SPOCK1: variants seen among roughly 807,000 people sequenced by gnomAD.
SPOCK1 encodes SPARC (osteonectin), cwcv and kazal like domains proteoglycan 1, also known as testican-1.
In SPOCK1, 23 loss-of-function variants were observed where a neutral mutation model predicts 55.3. The ratio of observed to expected loss-of-function variants is 0.42; its 90% CI spans 0.30 to 0.59. SPOCK1 has a LOEUF of 0.59. Ranked by LOEUF, SPOCK1 falls within the 20% of genes least tolerant of loss-of-function variation. SPOCK1 has a pLI of 0.22. For missense variants in SPOCK1, 499 were observed against 552.5 expected, an observed-to-expected ratio of 0.90 and a Z score of 0.97; for synonymous variants, 226 against 221.0, an observed-to-expected ratio of 1.02 and a Z score of -0.20.
chr5:137,224,640 A>C (rs1222032735), intron 3 of SPOCK1, among the ~76,000 whole-genome samples: 1 of 152,226 alleles, frequency 6.6e-6, no homozygotes, highest in Admixed American at 6.5e-5. Flanking sequence ...TATTGAGCTT[A>C]ATAAAACAGA....
intron 2 of SPOCK1, among the ~76,000 whole-genome samples, chr5:137,448,643 T>C (rs1753181134): frequency 6.6e-6 from 1 of 152,256 alleles, no homozygotes; most frequent in Non-Finnish European, 1.5e-5. Flanking sequence ...ACAGTAAAAT[T>C]TCCTTGAACT....
chr5:137,324,525 G>A (rs1758038523), intron 2 of SPOCK1, among the ~76,000 whole-genome samples: 1 of 152,160 alleles, frequency 6.6e-6, no homozygotes, highest in Admixed American at 6.5e-5. Flanking sequence ...AGTCACAAAA[G>A]AGGAGATACT....
chr5:137,297,823 C>T (rs1485294278), intron 2 of SPOCK1, among the ~76,000 whole-genome samples: 1 of 151,992 alleles, frequency 6.6e-6, no homozygotes, highest in Non-Finnish European at 1.5e-5. Flanking sequence ...TTCTGGCACA[C>T]TTAATTTTAA....
At chr5:137,462,941 G>A (rs554925529) in intron 2 of SPOCK1, among the ~76,000 whole-genome samples, 14 of 152,238 alleles carry the variant, frequency 9.2e-5, no homozygotes, top group Non-Finnish European at 1.5e-4. Context: ...TGATAGTTTC[G>A]GTACCATTCA....
At chr5:137,447,957 A>T (rs1355489760) in intron 2 of SPOCK1, among the ~76,000 whole-genome samples, 1 of 152,208 alleles carries the variant, frequency 6.6e-6, no homozygotes, top group Non-Finnish European at 1.5e-5. Context: ...GGTATTAAAA[A>T]ATAAATACAG....
chr5:137,146,592 G>A (rs1754198756), intron 3 of SPOCK1, among the ~76,000 whole-genome samples: 1 of 152,208 alleles, frequency 6.6e-6, no homozygotes, highest in Non-Finnish European at 1.5e-5. Flanking sequence ...CAAGCTATGA[G>A]CAGGAACATT....
chr5:137,395,535 G>A (rs1218685754), intron 2 of SPOCK1, among the ~76,000 whole-genome samples: 1 of 152,140 alleles, frequency 6.6e-6, no homozygotes. Flanking sequence ...ACCAGATCTG[G>A]CACTTGATAC....
intron 6 of SPOCK1, among the ~76,000 whole-genome samples, chr5:137,019,938 ACTT>A (rs1440567275): frequency 2.0e-5 from 3 of 152,006 alleles, no homozygotes; most frequent in African/African-American, 7.2e-5. Context: ...AGTATCCTAA[ACTT>A]CTTCCTTGTA....
At chr5:137,130,841 C>A (rs1425676630) in intron 4 of SPOCK1, among the ~76,000 whole-genome samples, 1 of 152,224 alleles carries the variant, frequency 6.6e-6, no homozygotes, top group Non-Finnish European at 1.5e-5. Context: ...AATGTATGCC[C>A]ATGAAAAACC....
intron 6 of SPOCK1, among the ~76,000 whole-genome samples, chr5:136,995,453 T>TA (rs1207642965): frequency 6.6e-6 from 1 of 152,170 alleles, no homozygotes; most frequent in Middle Eastern, 3.2e-3. Context: ...CTCGGGGCCC[T>TA]AGGTTTTCAC....
At chr5:137,394,706 A>T (rs1751804226) in intron 2 of SPOCK1, among the ~76,000 whole-genome samples, 1 of 152,214 alleles carries the variant, frequency 6.6e-6, no homozygotes, top group South Asian at 2.1e-4. Flanking sequence ...CAGAGACCAC[A>T]AGAATGAGAA....
At chr5:137,362,624 G>A (rs539887399) in intron 2 of SPOCK1, among the ~76,000 whole-genome samples, 36 of 152,152 alleles carry the variant, frequency 2.4e-4, no homozygotes, top group African/African-American at 6.3e-4. Context: ...CACCGCGCCC[G>A]GCCAGCAAAC....
At chr5:136,983,745 C>G (rs1030420976) in intron 9 of SPOCK1, among the ~76,000 whole-genome samples, 1 of 151,482 alleles carries the variant, frequency 6.6e-6, no homozygotes, top group East Asian at 1.9e-4. Flanking sequence ...ACTCTGTATA[C>G]CCCTGACTAC....
chr5:137,468,208 T>C (rs567794009), intron 2 of SPOCK1, among the ~76,000 whole-genome samples: 1 of 152,352 alleles, frequency 6.6e-6, no homozygotes, highest in South Asian at 2.1e-4. Context: ...TGAGTAATGC[T>C]ACTTAGTGAC....
intron 2 of SPOCK1, among the ~76,000 whole-genome samples, chr5:137,268,283 G>T (rs908055595): frequency 3.3e-5 from 5 of 152,102 alleles, no homozygotes; most frequent in African/African-American, 1.2e-4. Flanking sequence ...ATCTTCCAAG[G>T]CATTAGGAAA....
At chr5:136,991,822 A>G (rs1750953765) in intron 7 of SPOCK1, among the ~76,000 whole-genome samples, 1 of 152,228 alleles carries the variant, frequency 6.6e-6, no homozygotes, top group Non-Finnish European at 1.5e-5. Context: ...TGTTCTCTGC[A>G]GCTTATGACA....
intron 2 of SPOCK1, among the ~76,000 whole-genome samples, chr5:137,300,132 G>A (rs1293902102): frequency 2.0e-5 from 3 of 152,004 alleles, no homozygotes. Context: ...TTTTATTGAT[G>A]TAAGTCTAGA....
At chr5:137,259,274 T>G (rs1437233201) in intron 3 of SPOCK1, among the ~76,000 whole-genome samples, 1 of 151,898 alleles carries the variant, frequency 6.6e-6, no homozygotes, top group Non-Finnish European at 1.5e-5. Context: ...ATAAAGAAAA[T>G]GTGGCACATA....
At position 137,124,856 on chromosome 5, in the gene SPOCK1, G is replaced by A. The variant is rs138584599; in HGVS notation, c.348-12295C>T. Among the ~76,000 whole-genome samples, 235 of 152,264 alleles carry A rather than the reference G, an allele frequency of 1.5e-3. 8 individuals carry two copies. The East Asian group carries it at 0.04, about 26-fold the overall frequency. On this transcript the variant is annotated intron_variant, in intron 4 of 10. Transcript: ENST00000394945. The stretch of plus-strand genomic sequence containing the variant: ...AAAGAGAGGAAGACAAAGAGAGAAG[G>A]CCCTAAATAAGCAGGCTACCAGGTC...
Sources: allele counts gnomAD v4.1 joint callset (sites outside exome capture counted in the v4.1 genomes callset), GRCh38; gene constraint gnomAD v4.1.1; transcripts MANE v1.5; gene names NCBI Gene and HGNC (gene_info 2026-07-23, HGNC 2026-07-21).